Variants in AP3B1 observed in about 807,000 individuals in gnomAD.
AP3B1 encodes the protein adaptor related protein complex 3 subunit beta 1.
In AP3B1, 61 loss-of-function variants were observed where a neutral mutation model predicts 132.5. The observed-to-expected ratio is 0.46, with a 90% CI of 0.37 to 0.57. The LOEUF (loss-of-function observed/expected upper bound fraction) is 0.57, where lower values mean the gene tolerates loss of function less well. AP3B1 is among the 20% of genes least tolerant of loss of function. The pLI is 0.00. For missense variants in AP3B1, 1,120 were observed against 1,289.4 expected, an observed-to-expected ratio of 0.87 and a Z score of 2.01; for synonymous variants, 388 against 438.3, an observed-to-expected ratio of 0.89 and a Z score of 1.43.
chr5:78,031,686 T>C (rs889490891), intron 24 of AP3B1, among the ~76,000 whole-genome samples: 1 of 152,224 alleles, frequency 6.6e-6, no homozygotes, highest in African/African-American at 2.4e-5. Context: ...CCAGATTGGT[T>C]CTTACCATTA....
intron 2 of AP3B1, among the ~76,000 whole-genome samples, chr5:78,259,975 A>C (rs1051487526): frequency 1.3e-5 from 2 of 151,800 alleles, no homozygotes; most frequent in African/African-American, 4.8e-5. Context: ...ATCTCAAAAA[A>C]ACAAAAAACA....
rs771962230 is a variant in AP3B1, at chr5:78,181,654, T to A, written c.795A>T (p.Glu265Asp). The change falls in exon 8 of 27, where the codon GAA becomes GAT. Residue 265 changes from glutamate (E) to aspartate (D), a missense_variant. By Grantham distance (45) the Glu-to-Asp change is conservative. Transcript: ENST00000255194. ...QFVSPWKEGD[E>D]LEDNGKNFYE... ...AGAAATTCTTTCCATTGTCTTCTAA[T>A]TCATCACCCTACAATGAAAGAAATC... is the stretch of plus-strand genomic sequence containing the variant. 6.2e-7 allele frequency: 1 copy of A among 1,612,030 alleles called. No individual in the cohort carries two copies. Among genetic ancestry groups the A allele is most frequent in the African/African-American group, 1.3e-5 (1 of 74,990 alleles).
At chr5:78,061,049 AG>A (rs368853173) in intron 22 of AP3B1, among the ~76,000 whole-genome samples, 82 of 152,262 alleles carry the variant, frequency 5.4e-4, no homozygotes, top group African/African-American at 1.9e-3. Context: ...CTTTGAAAAA[AG>A]AAGTACTGAA....
At chr5:78,174,014 C>T (rs1561457048) in intron 11 of AP3B1, among the ~76,000 whole-genome samples, 5 of 152,288 alleles carry the variant, frequency 3.3e-5, no homozygotes, top group South Asian at 2.1e-4. Context: ...AGCTCTCGTG[C>T]CACAGTTTTC....
intron 12 of AP3B1, among the ~76,000 whole-genome samples, chr5:78,165,268 A>G (rs571257774): frequency 7.2e-5 from 11 of 152,292 alleles, no homozygotes; most frequent in African/African-American, 2.6e-4. Flanking sequence ...CAACCAGGTA[A>G]GAAATGAAAC....
At chr5:78,141,450 C>T (rs1753144154) in intron 14 of AP3B1, 131 bp from the exon 15 acceptor site, 2 of 679,368 alleles carry the variant, frequency 2.9e-6, no homozygotes, top group South Asian at 4.0e-5. Context: ...GGAATTAATC[C>T]TGTATTTATG....
At chr5:78,282,731 G>A (rs1749110879) in intron 1 of AP3B1, among the ~76,000 whole-genome samples, 1 of 151,900 alleles carries the variant, frequency 6.6e-6, no homozygotes, top group Non-Finnish European at 1.5e-5. Flanking sequence ...AATAAAACAG[G>A]CCAGGCATGG....
At chr5:78,175,188 C>T (rs1048668338) in intron 11 of AP3B1, among the ~76,000 whole-genome samples, 12 of 152,334 alleles carry the variant, frequency 7.9e-5, no homozygotes, top group African/African-American at 2.2e-4. Flanking sequence ...GGTGAGGCAA[C>T]GCCCCACTCT....
intron 17 of AP3B1, among the ~76,000 whole-genome samples, chr5:78,116,628 AAG>A (rs896576522): frequency 2.0e-5 from 3 of 152,162 alleles, no homozygotes; most frequent in Admixed American, 6.5e-5. Flanking sequence ...AAAAAAAAGA[AAG>A]AAAAGAAAAT....
At chr5:78,013,390 TG>T (rs142705601) in intron 26 of AP3B1, among the ~76,000 whole-genome samples, 5,422 of 152,162 alleles carry the variant, frequency 0.036, 326 homozygotes, top group African/African-American at 0.12. Context: ...CAGCTGCCAT[TG>T]CTTTCAGAAA....
chr5:78,210,845 A>T (rs890980162), intron 7 of AP3B1, among the ~76,000 whole-genome samples: 1 of 152,068 alleles, frequency 6.6e-6, no homozygotes, highest in East Asian at 1.9e-4. Context: ...TTATTTTTTT[A>T]AATCGATTAA....
intron 11 of AP3B1, among the ~76,000 whole-genome samples, chr5:78,167,395 G>A (rs766766383): frequency 3.6e-4 from 55 of 152,200 alleles, no homozygotes; most frequent in African/African-American, 1.3e-3. Context: ...TGGTGGGAAC[G>A]TAAACTAGTA....
intron 15 of AP3B1, 117 bp downstream of exon 15, chr5:78,141,026 A>C: frequency 1.1e-6 from 1 of 912,696 alleles, no homozygotes; most frequent in Non-Finnish European, 1.8e-6. Context: ...ACCTGAAACA[A>C]ACAGGCACCT....
intron 1 of AP3B1, among the ~76,000 whole-genome samples, chr5:78,278,617 AAAAAAAAAGG>A (rs1748894973): frequency 7.4e-6 from 1 of 134,466 alleles, no homozygotes; most frequent in Non-Finnish European, 1.6e-5. Flanking sequence ...AAAAAAAAAA[AAAAAAAAAGG>A]GGGGGGGGGA....
chr5:78,123,114 TA>T (rs1580377256), intron 17 of AP3B1, among the ~76,000 whole-genome samples: 1 of 152,320 alleles, frequency 6.6e-6, no homozygotes, highest in East Asian at 1.9e-4. Flanking sequence ...CCCTATTTAA[TA>T]AATGGTGCTG....
At position 78,043,778 on chromosome 5, in the gene AP3B1, T is replaced by C. The variant is rs985140743; in HGVS notation, c.2578-4504A>G. 1.9e-4 allele frequency: 72 copies of C among 376,024 alleles called. 1 individual carries two copies. The highest frequency in any genetic ancestry group is 3.2e-5 in the Non-Finnish European group (6 of 189,486). 23.3% of individuals were successfully genotyped at this position (376,024 alleles called of 1,614,324 possible). On this transcript the variant is annotated intron_variant, in intron 22 of 26. Transcript: ENST00000255194. ...AAGGCAGCACCAAACTGCCCAATCA[T>C]GGAGATATCTACACTAGCCTGAAGA...
At chr5:78,254,333 A>C (rs1008971140) in intron 2 of AP3B1, among the ~76,000 whole-genome samples, 1 of 152,192 alleles carries the variant, frequency 6.6e-6, no homozygotes, top group Non-Finnish European at 1.5e-5. Flanking sequence ...AAACCTAGAG[A>C]AAGATATCAA....
intron 5 of AP3B1, 81 bp downstream of exon 5, chr5:78,227,291 G>T: frequency 1.4e-6 from 2 of 1,382,246 alleles, no homozygotes; most frequent in Non-Finnish European, 2.0e-6. Flanking sequence ...ACCTAAAAGA[G>T]CGAATAAAAC....
chr5:78,223,027 C>CTCTTTTTTTTTTTTTTTTTTTTTTTTT (rs66493022), intron 6 of AP3B1, among the ~76,000 whole-genome samples: 2 of 127,818 alleles, frequency 1.6e-5, no homozygotes, highest in Non-Finnish European at 1.7e-5. Flanking sequence ...TTGTTTGTTT[C>CTCTTTTTTTTTTTTTTTTTTTTTTTTT]TTTTTTTTTT....
Sources: allele counts gnomAD v4.1 joint callset (sites outside exome capture counted in the v4.1 genomes callset), GRCh38; gene constraint gnomAD v4.1.1; transcripts MANE v1.5; gene names NCBI Gene and HGNC (gene_info 2026-07-23, HGNC 2026-07-21).